ACYP2: variants seen among roughly 807,000 people sequenced by gnomAD.
The protein encoded by ACYP2 is acylphosphatase-2.
Under a neutral mutation model 11.2 loss-of-function variants are expected in ACYP2, and 12 were observed. That is an observed-to-expected ratio of 1.08 (90% CI 0.69 to 1.74). ACYP2 has a LOEUF of 1.74. Ranked by LOEUF, ACYP2 falls within the 40% of genes most tolerant of loss-of-function variation. The pLI is 0.00. For missense variants in ACYP2, 134 were observed against 101.9 expected, an observed-to-expected ratio of 1.31 and a Z score of -1.35; for synonymous variants, 43 against 32.2, an observed-to-expected ratio of 1.33 and a Z score of -1.13.
chr2:53,972,275 A>G (rs1285893103), intron 1 of ACYP2, among the ~76,000 whole-genome samples: 1 of 148,594 alleles, frequency 6.7e-6, no homozygotes, highest in Non-Finnish European at 1.5e-5. Context: ...GCGCCAGGGC[A>G]CTCCAGCCTG....
At chr2:54,051,557 G>A (rs779939017) in intron 3 of ACYP2, 1 of 742,698 alleles carries the variant, frequency 1.3e-6, no homozygotes, top group Non-Finnish European at 2.5e-6. Flanking sequence ...AGATCATCTT[G>A]GCCTGTCCAT....
At chr2:54,159,125 G>A (rs990357327) in intron 6 of ACYP2, among the ~76,000 whole-genome samples, 8 of 151,908 alleles carry the variant, frequency 5.3e-5, no homozygotes, top group South Asian at 2.1e-4. Context: ...CCCTTCGTCT[G>A]TGGCAGGTAC....
chr2:54,098,449 G>A (rs572132515), intron 4 of ACYP2, among the ~76,000 whole-genome samples: 108 of 152,128 alleles, frequency 7.1e-4, no homozygotes, highest in Non-Finnish European at 6.2e-4. Context: ...TTAGAGAAAC[G>A]AGGGCAGTTG....
chr2:54,175,335 T>C (rs911065551), intron 6 of ACYP2, among the ~76,000 whole-genome samples: 3 of 152,208 alleles, frequency 2.0e-5, no homozygotes, highest in Non-Finnish European at 4.4e-5. Flanking sequence ...TTTTTAGTAT[T>C]CTCTGATGGT....
At chr2:54,093,142 A>G (rs1321246557) in intron 4 of ACYP2, among the ~76,000 whole-genome samples, 1 of 152,176 alleles carries the variant, frequency 6.6e-6, no homozygotes, top group Non-Finnish European at 1.5e-5. Context: ...CCTGAGAGTC[A>G]GTTTCCCAGG....
intron 4 of ACYP2, 123 bp downstream of exon 1, chr2:54,115,879 A>G: frequency 8.1e-7 from 1 of 1,231,120 alleles, no homozygotes; most frequent in Non-Finnish European, 1.1e-6. Context: ...CCGCTCCGCC[A>G]TGACACAGCA....
chr2:53,997,165 C>T (rs1672611977), intron 2 of ACYP2, among the ~76,000 whole-genome samples: 1 of 152,186 alleles, frequency 6.6e-6, no homozygotes, highest in African/African-American at 2.4e-5. Flanking sequence ...CCTATCAAAA[C>T]CAAACCTATC....
intron 4 of ACYP2, among the ~76,000 whole-genome samples, chr2:54,126,619 A>C (rs1183660361): frequency 2.8e-5 from 4 of 143,368 alleles, no homozygotes; most frequent in African/African-American, 1.0e-4. Context: ...AAAAAAAAGC[A>C]TAAAACAAAT....
At chr2:54,118,430 C>T (rs1679944531) in intron 4 of ACYP2, among the ~76,000 whole-genome samples, 1 of 152,174 alleles carries the variant, frequency 6.6e-6, no homozygotes, top group African/African-American at 2.4e-5. Context: ...TTTACTTAAT[C>T]ATCACAATTT....
At chr2:54,288,667 G>T (rs1185273900) in intron 6 of ACYP2, among the ~76,000 whole-genome samples, 2 of 152,006 alleles carry the variant, frequency 1.3e-5, no homozygotes. Context: ...ATTCCAGAGA[G>T]CTTTTAGGAT....
At chr2:54,107,182 T>C (rs1189079428) in intron 4 of ACYP2, among the ~76,000 whole-genome samples, 3 of 152,166 alleles carry the variant, frequency 2.0e-5, no homozygotes, top group Non-Finnish European at 2.9e-5. Flanking sequence ...GCGCTAGACA[T>C]GTTCTTTTTA....
intron 2 of ACYP2, chr2:54,029,949 G>T: frequency 3.6e-6 from 1 of 279,000 alleles, no homozygotes; most frequent in South Asian, 5.1e-5. Context: ...GGAAAGAAGG[G>T]AATTTATTGC....
At chr2:53,973,076 A>C (rs1314059589) in intron 1 of ACYP2, among the ~76,000 whole-genome samples, 2 of 152,188 alleles carry the variant, frequency 1.3e-5, no homozygotes, top group African/African-American at 4.8e-5. Context: ...AAAAGCAGAG[A>C]GAGGAGGAGT....
intron 4 of ACYP2, among the ~76,000 whole-genome samples, chr2:54,066,527 A>G (rs1437849203): frequency 6.6e-6 from 1 of 152,186 alleles, no homozygotes; most frequent in Non-Finnish European, 1.5e-5. Context: ...ACATTTAGCA[A>G]TCTGAATTTG....
intron 6 of ACYP2, among the ~76,000 whole-genome samples, chr2:54,208,070 T>C (rs1685156656): frequency 6.6e-6 from 1 of 152,180 alleles, no homozygotes; most frequent in African/African-American, 2.4e-5. Flanking sequence ...TTGCTGTTCC[T>C]TGATGTCAAG....
intron 6 of ACYP2, among the ~76,000 whole-genome samples, chr2:54,174,013 G>A (rs1447510611): frequency 2.0e-5 from 3 of 152,108 alleles, no homozygotes; most frequent in Non-Finnish European, 2.9e-5. Flanking sequence ...TTGGCAATGC[G>A]GACTCTTTTT....
At chr2:53,987,472 G>A (rs1042341191) in intron 2 of ACYP2, among the ~76,000 whole-genome samples, 1 of 152,148 alleles carries the variant, frequency 6.6e-6, no homozygotes, top group Non-Finnish European at 1.5e-5. Flanking sequence ...GTAAACAGAA[G>A]TTTTAGTTTC....
intron 6 of ACYP2, among the ~76,000 whole-genome samples, chr2:54,269,499 A>T (rs928102149): frequency 6.6e-6 from 1 of 152,230 alleles, no homozygotes; most frequent in African/African-American, 2.4e-5. Flanking sequence ...AAGGCCCCAT[A>T]GACAAAGGTA....
intron 6 of ACYP2, among the ~76,000 whole-genome samples, chr2:54,271,603 C>G (rs1243177977): frequency 6.6e-6 from 1 of 152,020 alleles, no homozygotes; most frequent in Non-Finnish European, 1.5e-5. Flanking sequence ...TCCATACAAA[C>G]CCTAGCCCCT....
Sources: allele counts gnomAD v4.1 joint callset (sites outside exome capture counted in the v4.1 genomes callset), GRCh38; gene constraint gnomAD v4.1.1; transcripts MANE v1.5; gene names NCBI Gene and HGNC (gene_info 2026-07-23, HGNC 2026-07-21).